The following CSF2 variants were observed in gnomAD, a reference collection of about 807,000 sequenced individuals.
CSF2 encodes the protein granulocyte-macrophage colony-stimulating factor.
Under a neutral mutation model 13.5 loss-of-function variants are expected in CSF2, and 2 were observed. The observed-to-expected ratio is 0.15, with a 90% CI of 0.06 to 0.47. The LOEUF (loss-of-function observed/expected upper bound fraction) is 0.47. Ranked by LOEUF, CSF2 falls within the 20% of genes least tolerant of loss-of-function variation. The pLI, the probability that CSF2 is intolerant of heterozygous loss-of-function variation, is 0.97. For missense variants in CSF2, 141 were observed against 179.7 expected (o/e 0.78, Z 1.23); for synonymous variants, 66 against 69.2 (o/e 0.95, Z 0.23).
chr5:132,073,902 A>G lies in CSF2; in HGVS notation c.79A>G (p.Thr27Ala), dbSNP rs745535281. 6 of 1,613,114 alleles carry G rather than the reference A, an allele frequency of 3.7e-6. No individual in the cohort carries two copies. The African/African-American group carries it at 8.0e-5, about 22-fold the overall frequency. ...SAPARSPSPS[T>A]QPWEHVNAIQ... ...ACCCGCCCGCTCGCCCAGCCCCAGCACGCAGCCCTGGGAGCATGTGAATGC... is the reference window on the plus strand; with the variant it reads ...ACCCGCCCGCTCGCCCAGCCCCAGCGCGCAGCCCTGGGAGCATGTGAATGC... The change falls in exon 1 of 4, where the codon ACG (threonine) becomes GCG (alanine). Residue 27 changes from threonine (T) to alanine (A), a missense_variant. Coordinates refer to ENST00000296871, the MANE Select transcript of CSF2 (RefSeq NM_000758.4).
chr5:132,074,407 G>A (rs1469273788), intron 2 of CSF2, among the ~76,000 whole-genome samples: 1 of 152,198 alleles, frequency 6.6e-6, no homozygotes, highest in African/African-American at 2.4e-5. Context: ...CATGAGACAG[G>A]AGCTGTGGGT....
Position 132,074,764 on chromosome 5 carries a change from T to C in CSF2, c.202-46T>C. 1.9e-6 allele frequency: 3 copies of C among 1,613,664 alleles called. No homozygotes were observed. The Admixed American group carries it at 5.0e-5, about 27-fold the overall frequency. ...GAGTGGTGGAGAGTTCTTGTACCACTGTGGGCACTTGGCCACTGCTCACCG... is the reference window on the plus strand; with the variant it reads ...GAGTGGTGGAGAGTTCTTGTACCACCGTGGGCACTTGGCCACTGCTCACCG... On this transcript the variant is annotated intron_variant, in intron 2 of 3. Transcript: ENST00000296871.
chr5:132,076,035 A>C lies in CSF2; in HGVS notation c.*183A>C. On this transcript the variant is annotated 3_prime_UTR_variant, in exon 4 of 4. Transcript: ENST00000296871. The stretch of plus-strand genomic sequence containing the variant: ...CATGGCAGAAGAATGGGAATATTTT[A>C]TACTGACAGAAATCAGTAATATTTA... 1 of 447,950 alleles carries C rather than the reference A, an allele frequency of 2.2e-6. No individual in the cohort carries two copies. Among genetic ancestry groups the C allele is most frequent in the South Asian group, 3.2e-5 (1 of 31,122 alleles). 27.7% of individuals were successfully genotyped at this position (447,950 alleles called of 1,614,324 possible).
chr5:132,074,201 C>T (rs1756671374), intron 2 of CSF2, 79 bp downstream of exon 2: 2 of 1,499,768 alleles, frequency 1.3e-6, no homozygotes, highest in East Asian at 2.3e-5. Context: ...TTAGATGGCA[C>T]CACACAGGGT....
chr5:132,075,617 G>T, intron 3 of CSF2, 128 bp from the exon 4 acceptor site: 2 of 729,158 alleles, frequency 2.7e-6, no homozygotes, highest in Non-Finnish European at 4.8e-6. Flanking sequence ...AGGTCAGTGG[G>T]TGTGTCCTGG....
Position 132,074,131 on chromosome 5 carries a change from C to A in CSF2, c.201+9C>A, listed in dbSNP as rs748908623. The A allele has an allele frequency of 6.2e-7, 1 of 1,613,788 alleles. No individual in the cohort carries two copies. The highest frequency in any genetic ancestry group is 1.3e-5 in the African/African-American group (1 of 74,928). On this transcript the variant is annotated intron_variant, in intron 2 of 3. Transcript: ENST00000296871. ...AAATGTTTGACCTCCAGGTAAGATG[C>A]TTCTCTCTGACATAGCTTTCCAGAA...
rs758409716 is a variant in CSF2, at chr5:132,073,885, G to A, written c.62G>A (p.Arg21His). ...TVACSISAPA[R>H]SPSPSTQPWE... ...GCCTGCAGCATCTCTGCACCCGCCCGCTCGCCCAGCCCCAGCACGCAGCCC... is the reference window on the plus strand; with the variant it reads ...GCCTGCAGCATCTCTGCACCCGCCCACTCGCCCAGCCCCAGCACGCAGCCC... Residue 21 changes from arginine (R) to histidine (H), a missense_variant, in exon 1 of 4, where the codon CGC becomes CAC. Coordinates refer to ENST00000296871, the MANE Select transcript of CSF2 (RefSeq NM_000758.4). 16 of 1,613,076 alleles carry A rather than the reference G, an allele frequency of 9.9e-6. No homozygotes were observed. The highest frequency in any genetic ancestry group is 3.3e-4 in the Middle Eastern group (2 of 6,026).
At chr5:132,074,687 C>A in intron 2 of CSF2, 123 bp from the exon 3 acceptor site, 1 of 1,492,558 alleles carries the variant, frequency 6.7e-7, no homozygotes, top group Non-Finnish European at 9.3e-7. Context: ...CTGGACCCAG[C>A]CTGTGCCCCT....
chr5:132,075,642 CCT>C, intron 3 of CSF2, 101 bp from the exon 4 acceptor site: 1 of 923,598 alleles, frequency 1.1e-6, no homozygotes, highest in Non-Finnish European at 1.7e-6. Flanking sequence ...GGCCTCCTGG[CCT>C]CTGAGTTCTA....
At position 132,075,891 on chromosome 5, in the gene CSF2, C is replaced by T. The variant is rs373535761; in HGVS notation, c.*39C>T. 1 of 1,464,186 alleles carries T rather than the reference C, an allele frequency of 6.8e-7. No homozygotes were observed. Among genetic ancestry groups the T allele is most frequent in the African/African-American group, 1.4e-5 (1 of 71,882 alleles). The allele number at this position is 1,464,186 out of a possible 1,614,324, so 90.7% of individuals were successfully genotyped here. On this transcript the variant is annotated 3_prime_UTR_variant, in exon 4 of 4. Coordinates refer to ENST00000296871, the MANE Select transcript of CSF2 (RefSeq NM_000758.4). ...AGGCTGGCCAAGCCGGGGAGCTGCT[C>T]TCTCATGAAACAAGAGCTAGAAACT...
chr5:132,075,924 G>A lies in CSF2; in HGVS notation c.*72G>A. ...AAACAAGAGCTAGAAACTCAGGATG[G>A]TCATCTTGGAGGGACCAAGGGGTGG... On this transcript the variant is annotated 3_prime_UTR_variant, in exon 4 of 4. Transcript: ENST00000296871. The A allele has an allele frequency of 7.7e-7, 1 of 1,299,032 alleles. No homozygotes were observed. Among genetic ancestry groups the A allele is most frequent in the Non-Finnish European group, 1.1e-6 (1 of 906,922 alleles). 80.5% of individuals were successfully genotyped at this position (1,299,032 alleles called of 1,614,324 possible). A position where few individuals can be genotyped will look rare whatever the true frequency, so the allele number is the denominator to read the frequency against.
intron 2 of CSF2, among the ~76,000 whole-genome samples, chr5:132,074,394 C>T (rs1413021331): frequency 1.3e-5 from 2 of 152,172 alleles, no homozygotes; most frequent in South Asian, 2.1e-4. Flanking sequence ...GTGGGGGTCA[C>T]TTCATGAGAC....
chr5:132,074,888 T>A lies in CSF2; in HGVS notation c.280T>A (p.Leu94Met). 6.2e-7 allele frequency: 1 copy of A among 1,613,388 alleles called. No homozygotes were observed. The highest frequency in any genetic ancestry group is 1.1e-5 in the South Asian group (1 of 91,086). ...CAGCCTCACCAAGCTCAAGGGCCCC[T>A]TGACCATGATGGCCAGCCACTACAA... ...RGSLTKLKGPLTMMASHYKQH... is the reference protein window; with the variant it reads ...RGSLTKLKGPMTMMASHYKQH... Residue 94 changes from leucine (L) to methionine (M), a missense_variant, in exon 3 of 4, where the codon TTG becomes ATG. By Grantham distance (15) the Leu-to-Met change is conservative. Coordinates refer to ENST00000296871, the MANE Select transcript of CSF2 (RefSeq NM_000758.4).
At chr5:132,074,436 C>T (rs1044373816) in intron 2 of CSF2, among the ~76,000 whole-genome samples, 1 of 152,142 alleles carries the variant, frequency 6.6e-6, no homozygotes, top group Non-Finnish European at 1.5e-5. Context: ...CTCACTGTGC[C>T]CCGAGACCAA....
In CSF2 at chr5:132,074,886, C is replaced by T. The variant is rs1260678405; in HGVS notation, c.278C>T (p.Pro93Leu). 1.2e-6 allele frequency: 2 copies of T among 1,613,338 alleles called. No individual in the cohort carries two copies. The highest frequency in any genetic ancestry group is 2.7e-5 in the African/African-American group (2 of 74,936). The change falls in exon 3 of 4, where the codon CCC (proline) becomes CTC (leucine). Residue 93 changes from proline (P) to leucine (L), a missense_variant. Pro to Leu is a moderately conservative substitution (Grantham distance 98, BLOSUM62 -3). Coordinates refer to ENST00000296871, the MANE Select transcript of CSF2 (RefSeq NM_000758.4). Reference protein sequence around the residue: ...LRGSLTKLKGPLTMMASHYKQ... With the variant: ...LRGSLTKLKGLLTMMASHYKQ... Reference sequence around the variant, plus strand: ...GGCAGCCTCACCAAGCTCAAGGGCCCCTTGACCATGATGGCCAGCCACTAC... The same window carrying T: ...GGCAGCCTCACCAAGCTCAAGGGCCTCTTGACCATGATGGCCAGCCACTAC...
intron 3 of CSF2, among the ~76,000 whole-genome samples, chr5:132,075,256 C>G (rs1474034023): frequency 3.9e-5 from 6 of 152,254 alleles, no homozygotes; most frequent in Non-Finnish European, 2.9e-5. Flanking sequence ...AGAGGAAGTG[C>G]CCAGGCCCAA....
At chr5:132,074,231 C>A in intron 2 of CSF2, 109 bp downstream of exon 2, 1 of 1,276,822 alleles carries the variant, frequency 7.8e-7, no homozygotes, top group Non-Finnish European at 1.1e-6. Context: ...TCTCTCCAGT[C>A]AGCTGGCTGC....
Position 132,074,815 on chromosome 5 carries a change from G to T in CSF2, c.207G>T (p.Pro69=), listed in dbSNP as rs2069625. 1.2e-6 allele frequency: 2 copies of T among 1,613,788 alleles called. No individual in the cohort carries two copies. The highest frequency in any genetic ancestry group is 1.7e-6 in the Non-Finnish European group (2 of 1,180,016). Residue 69 remains proline, a synonymous_variant, in exon 3 of 4, where the codon CCG becomes CCT. Transcript: ENST00000296871. ...ACGAACGACATTTTCCACAGGAGCC[G>T]ACCTGCCTACAGACCCGCCTGGAGC... ...VISEMFDLQE[P]TCLQTRLELY... is the part of the protein sequence containing the mutation.
intron 3 of CSF2, 93 bp downstream of exon 3, chr5:132,075,028 AC>A (rs1756684412): frequency 3.1e-6 from 5 of 1,587,378 alleles, no homozygotes; most frequent in Non-Finnish European, 4.3e-6. Flanking sequence ...GCTGTTCAGG[AC>A]CCCAGGGGGT....
Sources: allele counts gnomAD v4.1 joint callset (sites outside exome capture counted in the v4.1 genomes callset), GRCh38; gene constraint gnomAD v4.1.1; transcripts MANE v1.5; gene names NCBI Gene and HGNC (gene_info 2026-07-23, HGNC 2026-07-21).